SAMD12: variants seen among roughly 807,000 people sequenced by gnomAD.
The protein encoded by SAMD12 is sterile alpha motif domain-containing protein 12.
Under a neutral mutation model 15.0 loss-of-function variants are expected in SAMD12, and 9 were observed. The ratio of observed to expected loss-of-function variants is 0.60; its 90% confidence interval spans 0.36 to 1.05. SAMD12 has a LOEUF of 1.05. SAMD12 is among the 50% of genes least tolerant of loss of function. The probability of loss-of-function intolerance (pLI) is 0.01; values close to 1 mark genes in which losing one functional copy is unlikely to be tolerated. For synonymous variants in SAMD12, 86 were observed against 90.1 expected, an observed-to-expected ratio of 0.96 and a Z score of 0.25; for missense variants, 230 against 234.2, an observed-to-expected ratio of 0.98 and a Z score of 0.12.
intron 4 of SAMD12, among the ~76,000 whole-genome samples, chr8:118,354,788 T>C (rs1250868016): frequency 2.0e-5 from 3 of 152,186 alleles, no homozygotes; most frequent in Non-Finnish European, 4.4e-5. Context: ...ATCACAGATA[T>C]CCTTGTATTG....
chr8:118,272,084 G>A (rs1813368404), intron 4 of SAMD12, among the ~76,000 whole-genome samples: 2 of 152,252 alleles, frequency 1.3e-5, no homozygotes, highest in South Asian at 4.1e-4. Flanking sequence ...CCCTAGCAGA[G>A]ATTCTGTATG....
intron 4 of SAMD12, among the ~76,000 whole-genome samples, chr8:118,299,127 A>G (rs1814881492): frequency 6.6e-6 from 1 of 152,190 alleles, no homozygotes; most frequent in Non-Finnish European, 1.5e-5. Flanking sequence ...ATGCATTTGC[A>G]TAACAGAAGG....
At chr8:118,558,737 T>A (rs1229678524) in intron 2 of SAMD12, among the ~76,000 whole-genome samples, 1 of 151,932 alleles carries the variant, frequency 6.6e-6, no homozygotes. Flanking sequence ...TTTTTGTATT[T>A]TTAGTAGAGA....
At chr8:118,295,646 ATTTTTT>A (rs34753693) in intron 4 of SAMD12, 2 of 134,154 alleles carry the variant, frequency 1.5e-5, no homozygotes, top group African/African-American at 2.7e-5. Flanking sequence ...GCTGTCACTG[ATTTTTT>A]TTTTTTTTTT....
At chr8:118,522,801 A>T (rs1825424881) in intron 2 of SAMD12, among the ~76,000 whole-genome samples, 1 of 152,180 alleles carries the variant, frequency 6.6e-6, no homozygotes, top group Non-Finnish European at 1.5e-5. Flanking sequence ...AAAAAACAAG[A>T]CATCTTGTTG....
intron 4 of SAMD12, among the ~76,000 whole-genome samples, chr8:118,310,235 C>CT (rs944166746): frequency 7.9e-5 from 12 of 152,030 alleles, no homozygotes; most frequent in African/African-American, 4.8e-5. Flanking sequence ...GTTTGGTCTC[C>CT]TTTTTTTTCC....
exon 5 of SAMD12, chr8:118,193,713 T>C (rs1819473877): frequency 6.6e-6 from 1 of 152,170 alleles, no homozygotes; most frequent in Non-Finnish European, 1.5e-5. Context: ...TTGAGTTCTT[T>C]ATAGAATTCT....
chr8:118,162,564 A>G, the SAMD12 span, among the ~76,000 whole-genome samples: 16 of 152,102 alleles, frequency 1.1e-4, no homozygotes, highest in Non-Finnish European at 1.9e-4. Context: ...TGACTTATTC[A>G]GGTAGAGATG....
At chr8:118,600,643 T>C (rs939874870) in intron 1 of SAMD12, among the ~76,000 whole-genome samples, 1 of 152,194 alleles carries the variant, frequency 6.6e-6, no homozygotes, top group Non-Finnish European at 1.5e-5. Context: ...GAGACCACCA[T>C]GTTACATGTA....
chr8:118,473,235 A>G (rs1251871736), intron 2 of SAMD12, among the ~76,000 whole-genome samples: 1 of 152,138 alleles, frequency 6.6e-6, no homozygotes, highest in Non-Finnish European at 1.5e-5. Context: ...AACCTCCTCT[A>G]CAGCTACCTC....
intron 2 of SAMD12, among the ~76,000 whole-genome samples, chr8:118,561,200 G>A (rs1306735684): frequency 6.6e-6 from 1 of 152,118 alleles, no homozygotes; most frequent in African/African-American, 2.4e-5. Context: ...TAATAATGCT[G>A]TTTTGACCAC....
At chr8:118,317,145 C>G (rs528653603) in intron 4 of SAMD12, among the ~76,000 whole-genome samples, 1 of 152,094 alleles carries the variant, frequency 6.6e-6, no homozygotes, top group Non-Finnish European at 1.5e-5. Flanking sequence ...GAGAGACCAC[C>G]TCTACAGACA....
chr8:118,250,529 G>T (rs1433139501), intron 4 of SAMD12, among the ~76,000 whole-genome samples: 56 of 150,216 alleles, frequency 3.7e-4, no homozygotes, highest in African/African-American at 1.3e-3. Context: ...TTGAGGCAGG[G>T]TCTCACTCTG....
In SAMD12 at chr8:118,264,671, A is replaced by C. The variant is rs1000823236; in HGVS notation, c.434-66939T>G. ...CGGGACCTGGCATCTGCATTGTCTT[A>C]CACTTGCTCCCAGAGGCAAGGCACA... is the stretch of plus-strand genomic sequence containing the variant. On this transcript the variant is annotated intron_variant, in intron 4 of 4. Coordinates refer to the SAMD12 transcript ENST00000409003. Among the ~76,000 whole-genome samples, 7 of 152,134 alleles carry C rather than the reference A, an allele frequency of 4.6e-5. No individual in the cohort carries two copies. In the East Asian group the frequency reaches 1.3e-3, roughly 29 times the overall value.
intron 3 of SAMD12, among the ~76,000 whole-genome samples, chr8:118,403,660 T>A (rs1234805152): frequency 6.6e-6 from 1 of 152,160 alleles, no homozygotes; most frequent in Non-Finnish European, 1.5e-5. Context: ...AAAACCCTAG[T>A]TTCTTAAAAT....
intron 2 of SAMD12, among the ~76,000 whole-genome samples, chr8:118,552,494 C>T (rs1826370407): frequency 6.6e-6 from 1 of 152,172 alleles, no homozygotes; most frequent in African/African-American, 2.4e-5. Context: ...ATGCTAAAAA[C>T]TCTCAATAAA....
At chr8:118,400,863 GA>G (rs968873232) in intron 3 of SAMD12, among the ~76,000 whole-genome samples, 3 of 149,726 alleles carry the variant, frequency 2.0e-5, no homozygotes, top group African/African-American at 4.9e-5. Flanking sequence ...ACTGAGAATG[GA>G]AAAAAAAATC....
At chr8:118,472,277 A>C (rs1191456775) in intron 2 of SAMD12, among the ~76,000 whole-genome samples, 3 of 147,952 alleles carry the variant, frequency 2.0e-5, no homozygotes, top group Non-Finnish European at 3.0e-5. Context: ...ACAGAGCGAG[A>C]CTCCATCTAA....
At chr8:118,236,468 G>A (rs1205005911) in intron 4 of SAMD12, among the ~76,000 whole-genome samples, 6 of 152,138 alleles carry the variant, frequency 3.9e-5, no homozygotes, top group Non-Finnish European at 5.9e-5. Context: ...AATTTAGGAC[G>A]GGGCAATTCA....
Sources: allele counts gnomAD v4.1 joint callset (sites outside exome capture counted in the v4.1 genomes callset), GRCh38; gene constraint gnomAD v4.1.1; transcripts MANE v1.5; gene names NCBI Gene and HGNC (gene_info 2026-07-23, HGNC 2026-07-21).